TM9SF2: variants seen among roughly 807,000 people sequenced by gnomAD.
The protein encoded by TM9SF2 is 76 kDa membrane protein.
In TM9SF2, 13 loss-of-function variants were observed where a neutral mutation model predicts 84.9. That is an observed-to-expected ratio of 0.15 (90% CI 0.10 to 0.24). The LOEUF (loss-of-function observed/expected upper bound fraction) is 0.24, where lower values mean the gene tolerates loss of function less well. Among genes scored for constraint, TM9SF2 ranks in the 10% least tolerant of loss-of-function variants. The pLI is 1.00. For missense variants in TM9SF2, 562 were observed against 818.5 expected (o/e 0.69, Z 3.82); for synonymous variants, 273 against 285.8 (o/e 0.96, Z 0.45).
At chr13:99,560,305 C>T (rs183501279) in intron 16 of TM9SF2, among the ~76,000 whole-genome samples, 1 of 152,180 alleles carries the variant, frequency 6.6e-6, no homozygotes, top group African/African-American at 2.4e-5. Context: ...CTACTTTTCA[C>T]TCATCTGTTA....
chr13:99,523,948 G>A (rs1407085382), intron 3 of TM9SF2, among the ~76,000 whole-genome samples: 1 of 152,138 alleles, frequency 6.6e-6, no homozygotes, highest in Non-Finnish European at 1.5e-5. Flanking sequence ...AAGACCTGAA[G>A]CAAGTAAGGG....
At chr13:99,554,165 G>A (rs2046317173) in intron 13 of TM9SF2, 139 bp from the exon 14 acceptor site, 2 of 1,016,046 alleles carry the variant, frequency 2.0e-6, no homozygotes, top group African/African-American at 1.6e-5. Flanking sequence ...ACAAATTTCA[G>A]TTTGATGTCT....
At chr13:99,522,512 G>A (rs2031423) in intron 3 of TM9SF2, among the ~76,000 whole-genome samples, 134,663 of 152,270 alleles carry the variant, frequency 0.88, 59,785 homozygotes, top group Admixed American at 0.93. Flanking sequence ...CCCTCTTGGG[G>A]TATTTGGAAG....
intron 1 of TM9SF2, among the ~76,000 whole-genome samples, chr13:99,511,020 C>G (rs1187240857): frequency 6.6e-6 from 1 of 152,022 alleles, no homozygotes; most frequent in Non-Finnish European, 1.5e-5. Flanking sequence ...ATTGGCTTCT[C>G]CTGAGATCAT....
chr13:99,504,843 C>A (rs2046081888), intron 1 of TM9SF2, among the ~76,000 whole-genome samples: 1 of 152,116 alleles, frequency 6.6e-6, no homozygotes, highest in African/African-American at 2.4e-5. Context: ...ATAGCCGATA[C>A]TATTTCATTC....
chr13:99,556,571 T>G (rs376989066), intron 15 of TM9SF2, among the ~76,000 whole-genome samples: 1,462 of 52,952 alleles, frequency 0.028, 28 homozygotes, highest in African/African-American at 0.098. Context: ...TAGTACTTCA[T>G]TCCTTTTTTT....
chr13:99,556,639 A>C (rs1387103155), intron 15 of TM9SF2, among the ~76,000 whole-genome samples: 2 of 144,262 alleles, frequency 1.4e-5, no homozygotes, highest in Non-Finnish European at 3.0e-5. Flanking sequence ...GCTGGAGTGC[A>C]GTGGTGCAAT....
chr13:99,521,986 C>T (rs1370713845), intron 3 of TM9SF2, among the ~76,000 whole-genome samples: 1 of 152,190 alleles, frequency 6.6e-6, no homozygotes, highest in Non-Finnish European at 1.5e-5. Flanking sequence ...GGATTATAGA[C>T]ATAGACGTGA....
chr13:99,555,686 CAG>C, intron 15 of TM9SF2, 39 bp downstream of exon 15: 2 of 1,422,216 alleles, frequency 1.4e-6, no homozygotes, highest in Non-Finnish European at 1.9e-6. Flanking sequence ...AATTTGTAGA[CAG>C]TAACTTTGGC....
At chr13:99,509,383 A>G (rs763679037) in intron 1 of TM9SF2, among the ~76,000 whole-genome samples, 1 of 152,156 alleles carries the variant, frequency 6.6e-6, no homozygotes, top group Non-Finnish European at 1.5e-5. Context: ...GCCCTACTAA[A>G]GGTGCTTTGT....
rs80211141 is a variant in TM9SF2 at position 99,543,721 on chromosome 13, T to A, written c.1018-142T>A. ...AAGCTCCATGAGTCAAGCTGTATTC[T>A]TCAAAATTGAAATAGGTACTAACAT... is the stretch of plus-strand genomic sequence containing the variant. On this transcript the variant is annotated intron_variant, in intron 9 of 16. Transcript: ENST00000376387. 2,460 of 1,060,196 alleles carry A rather than the reference T, an allele frequency of 2.3e-3. 43 individuals carry two copies. In the African/African-American group the frequency reaches 0.035, roughly 15 times the overall value. 65.7% of individuals were successfully genotyped at this position (1,060,196 alleles called of 1,614,324 possible).
At position 99,541,795 on chromosome 13, in the gene TM9SF2, A is replaced by G. The variant is rs1176302312; in HGVS notation, c.1017+128A>G. On this transcript the variant is annotated intron_variant, in intron 9 of 16. Transcript: ENST00000376387. ...TTCAAAAAACAAAAACAAAAACAAAAAAATTCTTCTCAAAAGTTATCTTGA... is the reference window on the plus strand; with the variant it reads ...TTCAAAAAACAAAAACAAAAACAAAGAAATTCTTCTCAAAAGTTATCTTGA... 5 of 571,034 alleles carry G rather than the reference A, an allele frequency of 8.8e-6. No homozygotes were observed. In the East Asian group the frequency reaches 1.7e-4, roughly 20 times the overall value. The allele number at this position is 571,034 out of a possible 1,614,324, so 35.4% of individuals were successfully genotyped here. A position where few individuals can be genotyped will look rare whatever the true frequency, so the allele number is the denominator to read the frequency against.
At chr13:99,513,542 A>C (rs1186283358) in intron 1 of TM9SF2, among the ~76,000 whole-genome samples, 4 of 152,216 alleles carry the variant, frequency 2.6e-5, no homozygotes, top group African/African-American at 7.2e-5. Flanking sequence ...ACAGTGTCCT[A>C]AAATTTTTCA....
intron 1 of TM9SF2, among the ~76,000 whole-genome samples, chr13:99,510,926 C>T (rs1321343098): frequency 3.3e-5 from 5 of 152,102 alleles, no homozygotes; most frequent in African/African-American, 7.2e-5. Context: ...TTGAGTTTCT[C>T]GTGGTCTTCA....
intron 1 of TM9SF2, among the ~76,000 whole-genome samples, chr13:99,508,440 CACA>C (rs1566562095): frequency 7.3e-5 from 11 of 149,742 alleles, no homozygotes; most frequent in South Asian, 2.1e-4. Flanking sequence ...CACACACACA[CACA>C]CCCCAGAGAT....
intron 1 of TM9SF2, among the ~76,000 whole-genome samples, chr13:99,508,775 A>G (rs1363904360): frequency 6.6e-6 from 1 of 151,976 alleles, no homozygotes; most frequent in Non-Finnish European, 1.5e-5. Context: ...TCTCACAAGG[A>G]CTCACTCACC....
intron 9 of TM9SF2, 37 bp downstream of exon 9, chr13:99,541,704 A>G (rs377357784): frequency 7.2e-7 from 1 of 1,392,594 alleles, no homozygotes; most frequent in Non-Finnish European, 1.0e-6. Context: ...TCTGCCAAGG[A>G]CACTGTTTAT....
chr13:99,560,987 G>A (rs2046342828), intron 16 of TM9SF2, among the ~76,000 whole-genome samples: 1 of 152,138 alleles, frequency 6.6e-6, no homozygotes, highest in Non-Finnish European at 1.5e-5. Flanking sequence ...AGCTGATTTT[G>A]TTTTTTAAAG....
At chr13:99,502,080 TG>T in intron 1 of TM9SF2, among the ~76,000 whole-genome samples, 1 of 152,328 alleles carries the variant, frequency 6.6e-6, no homozygotes, top group East Asian at 1.9e-4. Flanking sequence ...CCCTTGGAGT[TG>T]GGCTTCACGC....
Sources: allele counts gnomAD v4.1 joint callset (sites outside exome capture counted in the v4.1 genomes callset), GRCh38; gene constraint gnomAD v4.1.1; transcripts MANE v1.5; gene names NCBI Gene and HGNC (gene_info 2026-07-23, HGNC 2026-07-21).